The following LIMCH1 variants were observed in gnomAD, a reference collection of about 807,000 sequenced individuals.
LIMCH1 encodes LIM and calponin homology domains-containing protein 1.
LIMCH1 carries 113 observed loss-of-function variants against 176.5 expected under a neutral mutation model. The ratio of observed to expected loss-of-function variants is 0.64; its 90% CI spans 0.55 to 0.75. LIMCH1 has a LOEUF of 0.75. Among genes scored for constraint, LIMCH1 ranks in the 30% least tolerant of loss-of-function variants. The probability of loss-of-function intolerance (pLI) is 0.00; values close to 1 mark genes in which losing one functional copy is unlikely to be tolerated. For missense variants in LIMCH1, 1,674 were observed against 1,814.9 expected, an observed-to-expected ratio of 0.92 and a Z score of 1.41; for synonymous variants, 619 against 645.9, an observed-to-expected ratio of 0.96 and a Z score of 0.63.
At chr4:41,642,634 C>T (rs2093873774) in intron 14 of LIMCH1, among the ~76,000 whole-genome samples, 1 of 152,054 alleles carries the variant, frequency 6.6e-6, no homozygotes, top group African/African-American at 2.4e-5. Flanking sequence ...TCTCAGCTCA[C>T]TGCAACTTCT....
At chr4:41,567,894 C>T (rs2082982949) in intron 1 of LIMCH1, among the ~76,000 whole-genome samples, 1 of 152,156 alleles carries the variant, frequency 6.6e-6, no homozygotes. Flanking sequence ...GTGGCTCATG[C>T]CTGTAATCCC....
At chr4:41,458,775 A>G (rs1457657779) in intron 1 of LIMCH1, among the ~76,000 whole-genome samples, 1 of 146,006 alleles carries the variant, frequency 6.8e-6, no homozygotes, top group Admixed American at 6.8e-5. Flanking sequence ...TCTGTCACCA[A>G]AAAAAAAAAA....
chr4:41,619,841 C>T (rs756020780), intron 6 of LIMCH1: 3 of 219,838 alleles, frequency 1.4e-5, no homozygotes, highest in Non-Finnish European at 1.8e-5. Context: ...CTTAAATTAA[C>T]TTGATATAAG....
At chr4:41,419,616 T>TCCTTCCTTCCTTCCGTCCTTCCTTCC in intron 1 of LIMCH1, among the ~76,000 whole-genome samples, 1 of 90,928 alleles carries the variant, frequency 1.1e-5, no homozygotes, top group South Asian at 4.9e-4. Context: ...CCTTCCTTCC[T>TCCTTCCTTCCTTCCGTCCTTCCTTCC]TCCTTCCTTC....
chr4:41,424,082 A>G (rs2154132483), intron 1 of LIMCH1, among the ~76,000 whole-genome samples: 1 of 152,064 alleles, frequency 6.6e-6, no homozygotes, highest in South Asian at 2.1e-4. Context: ...CAGACTTTTT[A>G]ATTAAACTTT....
intron 1 of LIMCH1, among the ~76,000 whole-genome samples, chr4:41,577,526 C>A: frequency 6.6e-6 from 1 of 152,134 alleles, no homozygotes; most frequent in East Asian, 1.9e-4. Flanking sequence ...ACCCTTTAGG[C>A]CCAAGTGATC....
At chr4:41,606,378 T>TGTGCTAAA (rs1209249489) in intron 4 of LIMCH1, among the ~76,000 whole-genome samples, 1 of 152,230 alleles carries the variant, frequency 6.6e-6, no homozygotes, top group Non-Finnish European at 1.5e-5. Flanking sequence ...TCTGCACTTT[T>TGTGCTAAA]GTGCTAAAGG....
chr4:41,430,159 C>G (rs1482466333), intron 1 of LIMCH1, among the ~76,000 whole-genome samples: 1 of 152,114 alleles, frequency 6.6e-6, no homozygotes, highest in Non-Finnish European at 1.5e-5. Flanking sequence ...TATTCTAATT[C>G]TAGAGAAATT....
rs1489699816 is a variant in LIMCH1, at chr4:41,360,838, C to G, written c.-3C>G. ...GCGCTTGAGAGGACGCGGGGCTGCG[C>G]AAATGGCTTGTCCCGCTCTCGGTCT... On this transcript the variant is annotated 5_prime_UTR_variant, in exon 1 of 27. Coordinates refer to the LIMCH1 transcript ENST00000313860. The surrounding 1 kb of genome is among the most constrained non-coding windows in gnomAD (Gnocchi z 4.5). The G allele has an allele frequency of 3.2e-6, 5 of 1,553,406 alleles. No homozygotes were observed. The South Asian group carries it at 5.9e-5, about 18-fold the overall frequency.
intron 1 of LIMCH1, among the ~76,000 whole-genome samples, chr4:41,466,648 C>A (rs1421721121): frequency 6.6e-6 from 1 of 152,074 alleles, no homozygotes; most frequent in African/African-American, 2.4e-5. Context: ...CTCTAAATAG[C>A]CAGAATGATA....
intron 1 of LIMCH1, among the ~76,000 whole-genome samples, chr4:41,552,484 G>A (rs1216596409): frequency 2.0e-5 from 3 of 151,906 alleles, no homozygotes; most frequent in African/African-American, 4.8e-5. Context: ...AAATGCCATC[G>A]CGTTACTTTG....
intron 9 of LIMCH1, among the ~76,000 whole-genome samples, chr4:41,630,802 C>T (rs910902889): frequency 7.9e-5 from 12 of 152,142 alleles, no homozygotes; most frequent in Non-Finnish European, 1.2e-4. Flanking sequence ...CTATGCACAT[C>T]CTCCCATATA....
At position 41,450,576 on chromosome 4, in the gene LIMCH1, C is replaced by T. The variant is rs112032908; in HGVS notation, c.97-43960C>T. 4.6e-3 allele frequency among the ~76,000 whole-genome samples: 702 copies of T among 151,624 alleles called. 5 individuals are homozygous for T. Among genetic ancestry groups the T allele is most frequent in the African/African-American group, 0.015 (620 of 41,322 alleles). On this transcript the variant is annotated intron_variant, in intron 1 of 26. Coordinates refer to the LIMCH1 transcript ENST00000313860. ...CAGCACTTTGGGAGGCTGAGGCGGG[C>T]GGATCACTTGAGGTCAGGAGTTCGC...
upstream of LIMCH1, among the ~76,000 whole-genome samples, chr4:41,534,540 T>C (rs1478935382): frequency 6.6e-6 from 1 of 152,214 alleles, no homozygotes; most frequent in Non-Finnish European, 1.5e-5. Flanking sequence ...TTTGGACATA[T>C]TGAGTTGGCT....
intron 30 of LIMCH1, among the ~76,000 whole-genome samples, chr4:41,690,185 CT>C (rs1273084882): frequency 1.3e-5 from 2 of 152,122 alleles, no homozygotes; most frequent in Admixed American, 6.5e-5. Flanking sequence ...CTTATAGAAC[CT>C]TTCTTGGTCC....
chr4:41,383,005 G>T (rs1432252696), intron 1 of LIMCH1, among the ~76,000 whole-genome samples: 2 of 152,292 alleles, frequency 1.3e-5, no homozygotes, highest in Non-Finnish European at 2.9e-5. Context: ...TGGCCAGGCT[G>T]GTCTTGAGCT....
intron 2 of LIMCH1, among the ~76,000 whole-genome samples, chr4:41,603,653 C>A (rs942801742): frequency 6.6e-6 from 1 of 152,094 alleles, no homozygotes. Context: ...CTTTTTATAG[C>A]GTACTGTGGA....
At chr4:41,574,794 T>C (rs1336816378) in intron 1 of LIMCH1, among the ~76,000 whole-genome samples, 1 of 152,148 alleles carries the variant, frequency 6.6e-6, no homozygotes, top group Admixed American at 6.5e-5. Context: ...GCGAAATAGG[T>C]TGGGCACTTG....
At chr4:41,492,395 T>C (rs965502451) in intron 1 of LIMCH1, among the ~76,000 whole-genome samples, 1 of 122,500 alleles carries the variant, frequency 8.2e-6, no homozygotes, top group Non-Finnish European at 1.6e-5. Context: ...AGGGAGACCG[T>C]AGAAAGAGGG....
Sources: gnomAD v4.1 joint callset for allele counts (sites outside exome capture counted in the v4.1 genomes callset) on GRCh38, gnomAD v4.1.1 for gene constraint, Gnocchi (gnomAD v3.1) non-coding constraint, MANE v1.5 for transcripts, NCBI Gene and HGNC (gene_info 2026-07-23, HGNC 2026-07-21) for gene names.